The following FSTL5 variants were observed in gnomAD, a reference collection of about 807,000 sequenced individuals.
The protein encoded by FSTL5 is follistatin like 5.
FSTL5 carries 62 observed loss-of-function variants against 89.1 expected under a neutral mutation model. The observed-to-expected ratio is 0.70, with a 90% CI of 0.57 to 0.86. The LOEUF is 0.86. Among genes scored for constraint, FSTL5 ranks in the 40% least tolerant of loss-of-function variants. The pLI is 0.00. For synonymous variants in FSTL5, 383 were observed against 346.2 expected, an observed-to-expected ratio of 1.11 and a Z score of -1.18; for missense variants, 1,057 against 1,001.6, an observed-to-expected ratio of 1.06 and a Z score of -0.75.
intron 7 of FSTL5, among the ~76,000 whole-genome samples, chr4:161,607,241 A>T (rs1734481210): frequency 6.6e-6 from 1 of 152,156 alleles, no homozygotes; most frequent in Admixed American, 6.5e-5. Context: ...AAATCGTAAG[A>T]CTTGGTGATT....
At chr4:162,043,290 A>C (rs541748772) in intron 2 of FSTL5, 1 of 152,214 alleles carries the variant, frequency 6.6e-6, no homozygotes, top group Non-Finnish European at 1.5e-5. Flanking sequence ...GACCACTGCC[A>C]TGAAGTCAAT....
intron 10 of FSTL5, among the ~76,000 whole-genome samples, chr4:161,525,023 G>T (rs1731169944): frequency 6.6e-6 from 1 of 151,930 alleles, no homozygotes; most frequent in Admixed American, 6.6e-5. Context: ...TCCAGCTATG[G>T]AAGTGTCACT....
intron 6 of FSTL5, among the ~76,000 whole-genome samples, chr4:161,678,145 T>C (rs1032506405): frequency 6.6e-6 from 1 of 151,842 alleles, no homozygotes; most frequent in African/African-American, 2.4e-5. Flanking sequence ...TATTCTATGA[T>C]ATATTTTTAT....
intron 7 of FSTL5, among the ~76,000 whole-genome samples, chr4:161,593,102 T>A (rs1331063393): frequency 6.6e-6 from 1 of 152,164 alleles, no homozygotes; most frequent in South Asian, 2.1e-4. Flanking sequence ...AAATTTTTAA[T>A]GTGTTGCTCA....
intron 4 of FSTL5, among the ~76,000 whole-genome samples, chr4:161,899,981 G>A (rs554818779): frequency 1.3e-5 from 2 of 152,128 alleles, no homozygotes; most frequent in Non-Finnish European, 2.9e-5. Flanking sequence ...GATCACCTGA[G>A]GTCAGGGGTT....
chr4:162,004,538 T>A (rs1736557255), intron 3 of FSTL5, among the ~76,000 whole-genome samples: 1 of 152,160 alleles, frequency 6.6e-6, no homozygotes, highest in South Asian at 2.1e-4. Context: ...GCTCTTGCGG[T>A]TATAACTGGC....
At chr4:161,776,124 A>C (rs368873084) in intron 4 of FSTL5, 50 bp from the exon 5 acceptor site, 20 of 923,564 alleles carry the variant, frequency 2.2e-5, no homozygotes, top group Non-Finnish European at 3.1e-5. Flanking sequence ...GAAAAGAAAT[A>C]GTTTATTTAA....
At chr4:161,767,456 G>A (rs1189623070) in intron 5 of FSTL5, among the ~76,000 whole-genome samples, 4 of 152,136 alleles carry the variant, frequency 2.6e-5, no homozygotes, top group Non-Finnish European at 5.9e-5. Context: ...GTAAAATTAA[G>A]TCAATTTAGA....
chr4:161,895,383 C>T (rs1184221217), intron 4 of FSTL5, among the ~76,000 whole-genome samples: 1 of 152,134 alleles, frequency 6.6e-6, no homozygotes, highest in African/African-American at 2.4e-5. Context: ...TTAGGATTCA[C>T]ATTTAACTGA....
chr4:161,902,612 C>T (rs566648526), intron 4 of FSTL5, among the ~76,000 whole-genome samples: 103 of 152,208 alleles, frequency 6.8e-4, no homozygotes, highest in Middle Eastern at 3.4e-3. Context: ...CTTTGGGAGG[C>T]CGAGGCGGGA....
rs535973310 is a variant in FSTL5 at position 162,045,920 on chromosome 4, A to G, written c.127-12262T>C. On this transcript the variant is annotated intron_variant, in intron 2 of 15. Coordinates refer to ENST00000306100, the MANE Select transcript of FSTL5 (RefSeq NM_020116.5). Reference sequence around the variant, plus strand: ...AAGGGTGTACCTATTTAATTTTACAATATTTTACGAGTTTTTTAAGAGGAT... The same window carrying G: ...AAGGGTGTACCTATTTAATTTTACAGTATTTTACGAGTTTTTTAAGAGGAT... 8.6e-5 allele frequency among the ~76,000 whole-genome samples: 13 copies of G among 151,298 alleles called. No homozygotes were observed. In the East Asian group the frequency reaches 2.3e-3, roughly 27 times the overall value.
chr4:161,490,651 G>A (rs955706840), intron 12 of FSTL5, among the ~76,000 whole-genome samples: 1 of 152,012 alleles, frequency 6.6e-6, no homozygotes, highest in Non-Finnish European at 1.5e-5. Flanking sequence ...GGCTTAACAG[G>A]TTTACAAGAC....
chr4:161,620,298 C>T (rs1011349085), intron 7 of FSTL5, among the ~76,000 whole-genome samples: 1 of 152,004 alleles, frequency 6.6e-6, no homozygotes, highest in South Asian at 2.1e-4. Flanking sequence ...TTGTAACTAA[C>T]CTGCACATTG....
At chr4:161,662,915 T>C (rs1229688971) in intron 6 of FSTL5, among the ~76,000 whole-genome samples, 1 of 152,074 alleles carries the variant, frequency 6.6e-6, no homozygotes, top group East Asian at 1.9e-4. Context: ...TGGGGAGACC[T>C]CAGCAGAATC....
intron 3 of FSTL5, among the ~76,000 whole-genome samples, chr4:161,947,859 G>A (rs1578883967): frequency 6.6e-6 from 1 of 152,196 alleles, no homozygotes; most frequent in South Asian, 2.1e-4. Context: ...CCATGATTTG[G>A]TGTGTCTTTC....
At chr4:161,436,277 C>T (rs753673942) in intron 15 of FSTL5, among the ~76,000 whole-genome samples, 25 of 152,246 alleles carry the variant, frequency 1.6e-4, no homozygotes, top group Non-Finnish European at 3.2e-4. Context: ...AATCTAAACA[C>T]GTTTTTCTTC....
intron 4 of FSTL5, among the ~76,000 whole-genome samples, chr4:161,826,163 T>A (rs761930013): frequency 6.6e-6 from 1 of 152,184 alleles, no homozygotes; most frequent in Non-Finnish European, 1.5e-5. Context: ...AGCAGGTTAT[T>A]TAATTTCCAT....
At chr4:162,092,350 C>G (rs974862587) in intron 2 of FSTL5, among the ~76,000 whole-genome samples, 2 of 152,024 alleles carry the variant, frequency 1.3e-5, no homozygotes, top group African/African-American at 4.8e-5. Flanking sequence ...TAAAAAGAAA[C>G]AAGTTTGAAA....
chr4:161,559,444 T>A (rs1010860492), intron 8 of FSTL5, among the ~76,000 whole-genome samples: 1 of 151,894 alleles, frequency 6.6e-6, no homozygotes, highest in Non-Finnish European at 1.5e-5. Flanking sequence ...CATCCTCTAC[T>A]CTTTCCACTT....
Sources: gnomAD v4.1 joint callset for allele counts (sites outside exome capture counted in the v4.1 genomes callset) on GRCh38, gnomAD v4.1.1 for gene constraint, MANE v1.5 for transcripts, NCBI Gene and HGNC (gene_info 2026-07-23, HGNC 2026-07-21) for gene names.